The following GRIA1 variants were observed in gnomAD, a reference collection of about 807,000 sequenced individuals.
GRIA1 encodes the protein glutamate ionotropic receptor AMPA type subunit 1, also known as glutamate receptor 1.
In GRIA1, 31 loss-of-function variants were observed where a neutral mutation model predicts 99.2. The ratio of observed to expected loss-of-function variants is 0.31; its 90% CI spans 0.23 to 0.42. The LOEUF (loss-of-function observed/expected upper bound fraction) is 0.42, where lower values mean the gene tolerates loss of function less well. Ranked by LOEUF, GRIA1 falls within the 10% of genes least tolerant of loss-of-function variation. GRIA1 has a pLI of 1.00. For synonymous variants in GRIA1, 438 were observed against 432.4 expected (o/e 1.01, Z -0.16); for missense variants, 782 against 1,157.5 (o/e 0.68, Z 4.71).
intron 13 of GRIA1, among the ~76,000 whole-genome samples, chr5:153,776,339 T>C (rs1021350048): frequency 6.6e-6 from 1 of 152,196 alleles, no homozygotes; most frequent in Non-Finnish European, 1.5e-5. Flanking sequence ...GGGGCTTTTG[T>C]GCCCCTGCCT....
intron 2 of GRIA1, among the ~76,000 whole-genome samples, chr5:153,523,649 G>A (rs895411527): frequency 3.3e-5 from 5 of 152,160 alleles, no homozygotes; most frequent in Admixed American, 2.6e-4. Flanking sequence ...ATGTTCTCGA[G>A]CTCCTTGCCC....
At chr5:153,635,715 G>A (rs1439646573) in intron 2 of GRIA1, among the ~76,000 whole-genome samples, 1 of 152,154 alleles carries the variant, frequency 6.6e-6, no homozygotes, top group Non-Finnish European at 1.5e-5. Flanking sequence ...AGCATTCCTG[G>A]CTGAGTCCCC....
At chr5:153,553,467 G>A (rs1225697918) in intron 2 of GRIA1, among the ~76,000 whole-genome samples, 1 of 152,202 alleles carries the variant, frequency 6.6e-6, no homozygotes, top group Non-Finnish European at 1.5e-5. Flanking sequence ...GAGACCAAGT[G>A]CATGGTTTGA....
chr5:153,752,745 C>G (rs886807483), intron 11 of GRIA1, among the ~76,000 whole-genome samples: 1 of 152,128 alleles, frequency 6.6e-6, no homozygotes, highest in African/African-American at 2.4e-5. Context: ...CTAGAGATTC[C>G]TGTCTCCTGG....
chr5:153,514,074 A>G (rs1248881601), intron 2 of GRIA1, among the ~76,000 whole-genome samples: 2 of 152,156 alleles, frequency 1.3e-5, no homozygotes, highest in Non-Finnish European at 2.9e-5. Context: ...TGATGACCCA[A>G]ATGAAAATCT....
At chr5:153,759,247 G>A (rs1763023036) in intron 11 of GRIA1, among the ~76,000 whole-genome samples, 1 of 150,038 alleles carries the variant, frequency 6.7e-6, no homozygotes, top group Non-Finnish European at 1.5e-5. Flanking sequence ...AAATAAAATA[G>A]GGGCTAAAAA....
chr5:153,787,998 T>C (rs558515817), intron 13 of GRIA1, among the ~76,000 whole-genome samples: 125 of 152,000 alleles, frequency 8.2e-4, no homozygotes, highest in African/African-American at 2.6e-3. Context: ...GAAAATGGCA[T>C]GAACCCAGGA....
intron 2 of GRIA1, among the ~76,000 whole-genome samples, chr5:153,535,664 G>C (rs916274225): frequency 1.3e-5 from 2 of 152,194 alleles, no homozygotes; most frequent in Admixed American, 6.5e-5. Context: ...ACATAAAATA[G>C]TGTCTATGAA....
At chr5:153,628,466 A>C (rs1561706015) in intron 2 of GRIA1, among the ~76,000 whole-genome samples, 1 of 152,218 alleles carries the variant, frequency 6.6e-6, no homozygotes, top group Admixed American at 6.5e-5. Context: ...ATTGGGAACA[A>C]TTACATTACA....
At chr5:153,795,648 CA>C in intron 14 of GRIA1, 4 of 996,068 alleles carry the variant, frequency 4.0e-6, no homozygotes, top group African/African-American at 1.6e-5. Flanking sequence ...CAGTGTTGAA[CA>C]GTGTCCTCCG....
intron 2 of GRIA1, among the ~76,000 whole-genome samples, chr5:153,524,874 C>T (rs1358697217): frequency 6.6e-6 from 1 of 152,170 alleles, no homozygotes; most frequent in Non-Finnish European, 1.5e-5. Flanking sequence ...AATATTGCTA[C>T]TGAAAGTCAA....
At chr5:153,567,357 T>C (rs529470827) in intron 2 of GRIA1, among the ~76,000 whole-genome samples, 14 of 152,108 alleles carry the variant, frequency 9.2e-5, no homozygotes, top group Non-Finnish European at 1.8e-4. Flanking sequence ...GATAATGAAG[T>C]GGAAAATTTT....
chr5:153,805,226 A>C (rs1173054680), intron 15 of GRIA1, among the ~76,000 whole-genome samples: 1 of 152,202 alleles, frequency 6.6e-6, no homozygotes, highest in Admixed American at 6.5e-5. Flanking sequence ...AATAGTTGTT[A>C]CTAGTGGCCA....
At chr5:153,655,748 G>A (rs368082756) in intron 4 of GRIA1, 71 bp from the exon 5 acceptor site, 75 of 1,305,082 alleles carry the variant, frequency 5.7e-5, no homozygotes, top group Admixed American at 3.7e-4. Context: ...ATCAGCTGCC[G>A]TTATTACTGT....
At chr5:153,718,643 A>G (rs1287770473) in intron 11 of GRIA1, among the ~76,000 whole-genome samples, 5 of 152,202 alleles carry the variant, frequency 3.3e-5, no homozygotes, top group African/African-American at 1.2e-4. Flanking sequence ...AGTACCTAGC[A>G]CATACCAGAG....
At position 153,490,832 on chromosome 5, in the gene GRIA1, G is replaced by A. The variant is rs879132249; in HGVS notation, c.-57G>A. ...CGAGAAGAATAAAGGGAAAGGGGGG[G>A]AAACACCAAATCTATGATTGGACCT... On this transcript the variant is annotated 5_prime_UTR_variant, in exon 1 of 16. Transcript: ENST00000285900. 20 of 1,253,266 alleles carry A rather than the reference G, an allele frequency of 1.6e-5. No homozygotes were observed. In the South Asian group the frequency reaches 1.9e-4, roughly 12 times the overall value. The allele number at this position is 1,253,266 out of a possible 1,614,324, so 77.6% of individuals were successfully genotyped here. A position where few individuals can be genotyped will look rare whatever the true frequency, so the allele number is the denominator to read the frequency against.
At position 153,786,301 on chromosome 5, in the gene GRIA1, C is replaced by T. The variant is rs1011888746; in HGVS notation, c.2271-8320C>T. On this transcript the variant is annotated intron_variant, in intron 13 of 15. Coordinates refer to ENST00000285900, the MANE Select transcript of GRIA1 (RefSeq NM_000827.4). ...CTCATCTCCCCGAAGGTCCCCTCAT[C>T]ATGACTACACTCCTCGGGTGGGGAC... is the stretch of plus-strand genomic sequence containing the variant. Among the ~76,000 whole-genome samples, 5 of 152,062 alleles carry T rather than the reference C, an allele frequency of 3.3e-5. No individual in the cohort carries two copies. The East Asian group carries it at 9.7e-4, about 29-fold the overall frequency.
intron 11 of GRIA1, among the ~76,000 whole-genome samples, chr5:153,745,769 A>G (rs1395647151): frequency 2.6e-5 from 4 of 152,172 alleles, no homozygotes; most frequent in Admixed American, 1.3e-4. Context: ...ATCTTGGTTT[A>G]CATACTTCCA....
intron 2 of GRIA1, among the ~76,000 whole-genome samples, chr5:153,511,966 C>T (rs570014895): frequency 3.9e-5 from 6 of 152,354 alleles, no homozygotes; most frequent in African/African-American, 1.4e-4. Context: ...AAATAACACC[C>T]AGCCTCTGTT....
Sources: gnomAD v4.1 joint callset for allele counts (sites outside exome capture counted in the v4.1 genomes callset) on GRCh38, gnomAD v4.1.1 for gene constraint, MANE v1.5 for transcripts, NCBI Gene and HGNC (gene_info 2026-07-23, HGNC 2026-07-21) for gene names.